PSMA1: variants seen among roughly 807,000 people sequenced by gnomAD.
PSMA1 encodes the protein proteasome subunit alpha type-1.
PSMA1 carries 3 observed loss-of-function variants against 38.4 expected under a neutral mutation model. The ratio of observed to expected loss-of-function variants is 0.08; its 90% CI spans 0.04 to 0.20. The LOEUF (loss-of-function observed/expected upper bound fraction) is 0.20, where lower values mean the gene tolerates loss of function less well. Among genes scored for constraint, PSMA1 ranks in the 10% least tolerant of loss-of-function variants. PSMA1 has a pLI of 1.00. For missense variants in PSMA1, 227 were observed against 325.3 expected, an observed-to-expected ratio of 0.70 and a Z score of 2.32; for synonymous variants, 101 against 107.1, an observed-to-expected ratio of 0.94 and a Z score of 0.35.
intron 2 of PSMA1, among the ~76,000 whole-genome samples, chr11:14,580,417 T>A (rs1233116318): frequency 6.6e-6 from 1 of 152,194 alleles, no homozygotes; most frequent in Non-Finnish European, 1.5e-5. Flanking sequence ...TTCCTGCCAC[T>A]CCATCTTCTG....
chr11:14,530,119 G>A (rs1481562079), intron 2 of PSMA1, among the ~76,000 whole-genome samples: 1 of 152,152 alleles, frequency 6.6e-6, no homozygotes, highest in East Asian at 1.9e-4. Context: ...TCAGACACTA[G>A]TCCACTGTGA....
chr11:14,552,170 T>C (rs897639573), intron 2 of PSMA1, among the ~76,000 whole-genome samples: 5 of 152,122 alleles, frequency 3.3e-5, no homozygotes, highest in Admixed American at 6.5e-5. Context: ...CACAGAAAGA[T>C]AGCAAGACCT....
chr11:14,627,840 C>G (rs528583127), intron 1 of PSMA1, among the ~76,000 whole-genome samples: 1 of 152,268 alleles, frequency 6.6e-6, no homozygotes, highest in African/African-American at 2.4e-5. Flanking sequence ...TCTCTTATAT[C>G]TAAATCCTAC....
intron 2 of PSMA1, among the ~76,000 whole-genome samples, chr11:14,527,286 T>A (rs907304834): frequency 6.6e-6 from 1 of 152,124 alleles, no homozygotes; most frequent in Non-Finnish European, 1.5e-5. Context: ...CATCAGTCAC[T>A]CCCACCTACT....
At chr11:14,526,191 G>GT (rs1447742667) in intron 2 of PSMA1, among the ~76,000 whole-genome samples, 1 of 152,000 alleles carries the variant, frequency 6.6e-6, no homozygotes, top group African/African-American at 2.4e-5. Context: ...TGGATACCTG[G>GT]TTTTGCCATC....
At position 14,625,158 on chromosome 11, in the gene PSMA1, T is replaced by C. The variant is rs147546370; in HGVS notation, c.-165-14007A>G. ...GTGGACTGTGGCAATCAAGAAAATT[T>C]GTCATTCAGCCTGGGTGTGGTAACT... On this transcript the variant is annotated intron_variant, in intron 1 of 10. Transcript: ENST00000418988. Among the ~76,000 whole-genome samples the C allele has an allele frequency of 3.4e-3, 521 of 152,274 alleles. 6 individuals carry two copies. The highest frequency in any genetic ancestry group is 0.012 in the African/African-American group (484 of 41,564).
At chr11:14,545,066 T>C (rs1281109646) in intron 2 of PSMA1, among the ~76,000 whole-genome samples, 2 of 152,138 alleles carry the variant, frequency 1.3e-5, no homozygotes, top group Non-Finnish European at 2.9e-5. Context: ...TTTCTTTCTG[T>C]GGTGATAAAA....
intron 1 of PSMA1, among the ~76,000 whole-genome samples, chr11:14,639,880 C>A (rs371438094): frequency 1.2e-4 from 19 of 152,278 alleles, no homozygotes; most frequent in African/African-American, 4.3e-4. Context: ...ACCTGCTACT[C>A]CTACTGTAGT....
intron 2 of PSMA1, among the ~76,000 whole-genome samples, chr11:14,593,184 A>G (rs1218302976): frequency 6.6e-6 from 1 of 152,206 alleles, no homozygotes; most frequent in Non-Finnish European, 1.5e-5. Flanking sequence ...ACAGAGCTTT[A>G]AAGAGCTTAC....
chr11:14,555,236 A>T (rs1851929599), intron 2 of PSMA1, among the ~76,000 whole-genome samples: 1 of 152,218 alleles, frequency 6.6e-6, no homozygotes, highest in Non-Finnish European at 1.5e-5. Context: ...CATGTAAACA[A>T]TTACATTTCC....
At chr11:14,642,758 T>C (rs182506973) in intron 1 of PSMA1, among the ~76,000 whole-genome samples, 1 of 152,338 alleles carries the variant, frequency 6.6e-6, no homozygotes, top group Admixed American at 6.5e-5. Flanking sequence ...CCCTTTGGTG[T>C]AGTAAAGTTC....
intron 2 of PSMA1, among the ~76,000 whole-genome samples, chr11:14,558,829 T>C (rs918783645): frequency 6.6e-6 from 1 of 152,246 alleles, no homozygotes; most frequent in African/African-American, 2.4e-5. Flanking sequence ...AGAAATCTAC[T>C]GGTTAGGAAC....
At chr11:14,630,732 A>G (rs1386947661) in intron 1 of PSMA1, among the ~76,000 whole-genome samples, 1 of 151,908 alleles carries the variant, frequency 6.6e-6, no homozygotes, top group Non-Finnish European at 1.5e-5. Context: ...ATAGTTTCAG[A>G]AGGAATGGTA....
At chr11:14,562,929 G>A in intron 2 of PSMA1, among the ~76,000 whole-genome samples, 1 of 152,042 alleles carries the variant, frequency 6.6e-6, no homozygotes, top group East Asian at 1.9e-4. Context: ...AACTCTTAAT[G>A]CCCCATTAAT....
chr11:14,535,951 A>G (rs1851701938), intron 2 of PSMA1, among the ~76,000 whole-genome samples: 1 of 152,162 alleles, frequency 6.6e-6, no homozygotes, highest in East Asian at 1.9e-4. Flanking sequence ...TCATGCTTCG[A>G]GGAGTTGAAA....
Position 14,630,903 on chromosome 11 carries a change from T to G in PSMA1, c.-166+12552A>C, listed in dbSNP as rs551562546. 2.0e-5 allele frequency among the ~76,000 whole-genome samples: 3 copies of G among 152,244 alleles called. No individual in the cohort carries two copies. In the East Asian group the frequency reaches 5.8e-4, roughly 29 times the overall value. ...CCTGGTTTAGTCTTGGGAGAGTGTA[T>G]GTGTCCAGGAATTTATCCATTTCTT... On this transcript the variant is annotated intron_variant, in intron 1 of 10. Coordinates refer to the PSMA1 transcript ENST00000418988.
At chr11:14,522,147 T>C (rs948336822), upstream of PSMA1, among the ~76,000 whole-genome samples, 1 of 152,202 alleles carries the variant, frequency 6.6e-6, no homozygotes, top group African/African-American at 2.4e-5. Flanking sequence ...AAAAATAAGA[T>C]GATACTGTTT....
chr11:14,576,378 G>T (rs905385544), intron 2 of PSMA1, among the ~76,000 whole-genome samples: 5 of 152,168 alleles, frequency 3.3e-5, no homozygotes, highest in African/African-American at 1.2e-4. Context: ...GAATGGTATT[G>T]CCTAGGTTTT....
At chr11:14,510,740 T>C (rs184958487) in intron 8 of PSMA1, 132 bp downstream of exon 8, 86 of 521,824 alleles carry the variant, frequency 1.6e-4, no homozygotes, top group African/African-American at 1.6e-3. Context: ...AGCAAATAGC[T>C]TAAAGGAAAA....
Sources: gnomAD v4.1 joint callset for allele counts (sites outside exome capture counted in the v4.1 genomes callset) on GRCh38, gnomAD v4.1.1 for gene constraint, MANE v1.5 for transcripts, NCBI Gene and HGNC (gene_info 2026-07-23, HGNC 2026-07-21) for gene names.